The following SYNPO variants were observed in gnomAD, a reference collection of about 807,000 sequenced individuals.
The protein encoded by SYNPO is synaptopodin.
In SYNPO, 19 loss-of-function variants were observed where a neutral mutation model predicts 49.5. That is an observed-to-expected ratio of 0.38 (90% CI 0.27 to 0.56). SYNPO has a LOEUF of 0.56. Ranked by LOEUF, SYNPO falls within the 20% of genes least tolerant of loss-of-function variation. The pLI is 0.68. For missense variants in SYNPO, 1,131 were observed against 1,248.3 expected (o/e 0.91, Z 1.42); for synonymous variants, 536 against 548.0 (o/e 0.98, Z 0.31).
intron 1 of SYNPO, among the ~76,000 whole-genome samples, chr5:150,645,500 G>A (rs1758058003): frequency 6.6e-6 from 1 of 152,202 alleles, no homozygotes. Flanking sequence ...GTGCCAGCTG[G>A]CCACTGGGGA....
At chr5:150,586,571 A>AGGGTGGATGGAAGGAT in the SYNPO span, among the ~76,000 whole-genome samples, 3 of 149,698 alleles carry the variant, frequency 2.0e-5, no homozygotes, top group South Asian at 4.2e-4. Flanking sequence ...GGTGGATGGA[A>AGGGTGGATGGAAGGAT]GGATGGATGG....
intron 2 of SYNPO, among the ~76,000 whole-genome samples, chr5:150,626,864 C>T (rs1009329033): frequency 6.6e-6 from 1 of 152,116 alleles, no homozygotes; most frequent in South Asian, 2.1e-4. Flanking sequence ...AGGTGAATGG[C>T]GACATGAGTG....
rs1376325224 is a variant in SYNPO, at chr5:150,656,844, C to G, written c.2469C>G (p.Ile823Met). ...TGCCGGGGGCAGCCTTCGCGCCCAT[C>G]CCGCGGAGCCCGTTGCCCGCCGGTC... The part of the protein sequence containing the change: ...AAVPGAAFAP[I>M]PRSPLPAGPS... Residue 823 changes from isoleucine to methionine, a missense_variant, in exon 3 of 3, where the codon ATC (isoleucine) becomes ATG (methionine). Ile to Met is a conservative substitution (Grantham distance 10). This residue lies in a region of SYNPO where 509 missense variants were observed against 484.5 expected (regional missense o/e 1.05). Transcript: ENST00000307662. 1.3e-6 allele frequency: 2 copies of G among 1,551,576 alleles called. No homozygotes were observed. The highest frequency in any genetic ancestry group is 2.7e-5 in the African/African-American group (2 of 72,982).
intron 2 of SYNPO, 87 bp from the exon 3 acceptor site, chr5:150,656,317 G>C (rs1232921465): frequency 8.7e-7 from 1 of 1,145,956 alleles, no homozygotes; most frequent in East Asian, 2.8e-5. Context: ...CGGTGTAATG[G>C]ACAAATCGGA....
At chr5:150,606,181 A>G (rs1057460532) in intron 1 of SYNPO, among the ~76,000 whole-genome samples, 1 of 152,226 alleles carries the variant, frequency 6.6e-6, no homozygotes, top group East Asian at 1.9e-4. Context: ...AGACAGACAT[A>G]GACACAGACA....
chr5:150,593,658 C>T, the SYNPO span, among the ~76,000 whole-genome samples: 1 of 152,158 alleles, frequency 6.6e-6, no homozygotes, highest in Non-Finnish European at 1.5e-5. Flanking sequence ...TGGGGTTTTG[C>T]CTCACTGCCC....
At chr5:150,619,994 A>C (rs542760877) in intron 2 of SYNPO, among the ~76,000 whole-genome samples, 77 of 152,126 alleles carry the variant, frequency 5.1e-4, no homozygotes, top group Non-Finnish European at 9.3e-4. Context: ...GAGTCCGCCC[A>C]AATTCAGTCT....
intron 1 of SYNPO, among the ~76,000 whole-genome samples, chr5:150,609,790 G>T (rs1407074897): frequency 1.3e-5 from 2 of 151,640 alleles, no homozygotes. Context: ...ATGTGGCGGG[G>T]GGGGGCAGTG....
At chr5:150,629,203 G>T (rs1481546765) in intron 2 of SYNPO, among the ~76,000 whole-genome samples, 1 of 151,996 alleles carries the variant, frequency 6.6e-6, no homozygotes, top group Non-Finnish European at 1.5e-5. Context: ...AGTAGAGACA[G>T]TGTCTCGCTA....
intron 1 of SYNPO, among the ~76,000 whole-genome samples, chr5:150,643,904 G>A (rs1757997426): frequency 6.6e-6 from 1 of 152,098 alleles, no homozygotes; most frequent in South Asian, 2.1e-4. Context: ...GCTGGACGTG[G>A]TGGCTCACGC....
chr5:150,610,994 TTG>T (rs1356826362), intron 1 of SYNPO, among the ~76,000 whole-genome samples: 5 of 152,228 alleles, frequency 3.3e-5, no homozygotes, highest in Non-Finnish European at 7.3e-5. Flanking sequence ...TAATGTTGGT[TTG>T]TGTTTTTTTT....
chr5:150,624,780 C>T, intron 2 of SYNPO: 1 of 897,450 alleles, frequency 1.1e-6, no homozygotes, highest in Non-Finnish European at 1.3e-6. Flanking sequence ...GGGCGTCGGG[C>T]GCGGAGCCTG....
At position 150,620,738 on chromosome 5, in the gene SYNPO, G is replaced by T. The variant is rs147411970; in HGVS notation, c.400+1971G>T. ...TCTTGTTATTGTACTCTCAAGGCAG[G>T]CAGGTATTATTCTCCCCATTTTACA... On this transcript the variant is annotated intron_variant, in intron 2 of 2. Coordinates refer to the SYNPO transcript ENST00000394243. 6.6e-3 allele frequency among the ~76,000 whole-genome samples: 1,003 copies of T among 152,270 alleles called. 7 individuals carry two copies. Among genetic ancestry groups the T allele is most frequent in the South Asian group, 0.014 (67 of 4,816 alleles).
chr5:150,605,428 T>C (rs1266636640), intron 1 of SYNPO, among the ~76,000 whole-genome samples: 1 of 151,954 alleles, frequency 6.6e-6, no homozygotes, highest in Non-Finnish European at 1.5e-5. Context: ...ACTCAGAAAA[T>C]TGAGGCTCAG....
chr5:150,620,948 T>TCTTTC lies in SYNPO; in HGVS notation c.400+2181_400+2182insCTTTC, dbSNP rs1554108178. On this transcript the variant is annotated intron_variant, in intron 2 of 2. Transcript: ENST00000394243. The stretch of plus-strand genomic sequence containing the variant: ...TTCTTTCTTTCTTTCTTTCTTTCTT[T>TCTTTC]TCTTTTCTTTTTTTTTTTTTTTGAG... Among the ~76,000 whole-genome samples the TCTTTC allele has an allele frequency of 4.8e-5, 7 of 144,906 alleles. No homozygotes were observed. In the East Asian group the frequency reaches 1.4e-3, roughly 30 times the overall value.
At chr5:150,639,439 G>A (rs1277219772), upstream of SYNPO, among the ~76,000 whole-genome samples, 1 of 152,244 alleles carries the variant, frequency 6.6e-6, no homozygotes, top group Admixed American at 6.5e-5. Context: ...TGAATGGATT[G>A]ATGAGGGCTT....
upstream of SYNPO, among the ~76,000 whole-genome samples, chr5:150,600,396 TC>T (rs985223181): frequency 9.2e-5 from 14 of 152,220 alleles, no homozygotes; most frequent in African/African-American, 3.4e-4. Context: ...CTCTGGGGTC[TC>T]CCCAGCCCAT....
chr5:150,618,798 C>T, intron 2 of SYNPO: 1 of 1,550,470 alleles, frequency 6.4e-7, no homozygotes, highest in Non-Finnish European at 8.7e-7. Flanking sequence ...CCTTGGACTA[C>T]CAGAGTCACT....
the SYNPO span, among the ~76,000 whole-genome samples, chr5:150,594,278 C>G: frequency 6.6e-6 from 1 of 152,124 alleles, no homozygotes; most frequent in African/African-American, 2.4e-5. Context: ...CTTTAGGGAA[C>G]AAAAACTTGG....
Sources: allele counts gnomAD v4.1 joint callset (sites outside exome capture counted in the v4.1 genomes callset), GRCh38; gene constraint gnomAD v4.1.1; regional missense constraint gnomAD v4.1.1; transcripts MANE v1.5; gene names NCBI Gene and HGNC (gene_info 2026-07-23, HGNC 2026-07-21).